MYO16: variants seen among roughly 807,000 people sequenced by gnomAD.
MYO16 encodes the protein unconventional myosin-XVI.
MYO16 carries 94 observed loss-of-function variants against 205.3 expected under a neutral mutation model. The ratio of observed to expected loss-of-function variants is 0.46; its 90% confidence interval spans 0.39 to 0.54. MYO16 has a LOEUF of 0.54. Ranked by LOEUF, MYO16 falls within the 20% of genes least tolerant of loss-of-function variation. The pLI is 0.00. For missense variants in MYO16, 2,315 were observed against 2,387.5 expected (o/e 0.97, Z 0.63); for synonymous variants, 988 against 954.0 (o/e 1.04, Z -0.66).
intron 20 of MYO16, among the ~76,000 whole-genome samples, chr13:108,969,840 T>A (rs1055233695): frequency 6.6e-6 from 1 of 152,202 alleles, no homozygotes; most frequent in East Asian, 1.9e-4. Context: ...TTCACCACTG[T>A]GATTTAGAGC....
chr13:108,909,393 G>A (rs1881155993), intron 15 of MYO16, among the ~76,000 whole-genome samples: 1 of 152,100 alleles, frequency 6.6e-6, no homozygotes, highest in African/African-American at 2.4e-5. Flanking sequence ...TGTTCACACT[G>A]GACATGTGTT....
chr13:108,673,488 T>G (rs555033446), intron 2 of MYO16, among the ~76,000 whole-genome samples: 8 of 152,056 alleles, frequency 5.3e-5, no homozygotes, highest in Non-Finnish European at 1.2e-4. Flanking sequence ...AACTATAATA[T>G]CATACTTTAT....
rs145030952 is a variant in MYO16, at chr13:109,048,797, G to A, written c.2872+1806G>A. 28 of 153,030 alleles carry A rather than the reference G, an allele frequency of 1.8e-4. No individual in the cohort carries two copies. In the East Asian group the frequency reaches 4.2e-3, roughly 23 times the overall value. 9.5% of individuals were successfully genotyped at this position (153,030 alleles called of 1,614,324 possible). On this transcript the variant is annotated intron_variant, in intron 24 of 34. Coordinates refer to ENST00000457511, the MANE Select transcript of MYO16 (RefSeq NM_001198950.3). ...TAGCATCAAAAAGCTCCCAGTTGAG[G>A]AAGATGGTGAGGTCTGTTGTAGAAT...
chr13:108,571,947 G>A, the MYO16 span, among the ~76,000 whole-genome samples: 4 of 150,642 alleles, frequency 2.7e-5, no homozygotes, highest in Non-Finnish European at 5.9e-5. Flanking sequence ...TTTAAACAGG[G>A]TCTTACTCTA....
intron 34 of MYO16, among the ~76,000 whole-genome samples, chr13:109,204,723 T>C (rs1162563026): frequency 6.6e-6 from 1 of 152,198 alleles, no homozygotes; most frequent in African/African-American, 2.4e-5. Context: ...CCATGGACTC[T>C]TGGGCCAGGC....
intron 34 of MYO16, among the ~76,000 whole-genome samples, chr13:109,203,222 T>C (rs1348267289): frequency 1.3e-5 from 2 of 152,118 alleles, no homozygotes; most frequent in Admixed American, 6.6e-5. Context: ...TGAAGAACTT[T>C]TGTATGGCAA....
At chr13:108,677,348 T>C (rs1470760524) in intron 2 of MYO16, among the ~76,000 whole-genome samples, 1 of 91,152 alleles carries the variant, frequency 1.1e-5, no homozygotes, top group African/African-American at 4.1e-5. Flanking sequence ...TATATATATA[T>C]ATATATGCAT....
At chr13:108,567,314 A>G in the MYO16 span, among the ~76,000 whole-genome samples, 1 of 152,182 alleles carries the variant, frequency 6.6e-6, no homozygotes, top group Non-Finnish European at 1.5e-5. Context: ...AAATATAGAT[A>G]CTAACTTTAG....
At chr13:109,136,240 C>T (rs1298910391) in intron 31 of MYO16, among the ~76,000 whole-genome samples, 1 of 152,018 alleles carries the variant, frequency 6.6e-6, no homozygotes, top group Non-Finnish European at 1.5e-5. Context: ...ACCACAAGCA[C>T]GTGCCACCAT....
At chr13:108,972,249 C>CTCTCTCTCTCTCTATATA (rs1178345437) in intron 20 of MYO16, among the ~76,000 whole-genome samples, 4 of 2,850 alleles carry the variant, frequency 1.4e-3, no homozygotes, top group Non-Finnish European at 1.8e-3. Flanking sequence ...CTCTCTCTCT[C>CTCTCTCTCTCTCTATATA]TATATATATA....
chr13:108,634,160 C>T (rs78856328), intron 1 of MYO16, among the ~76,000 whole-genome samples: 5,228 of 152,252 alleles, frequency 0.034, 131 homozygotes, highest in South Asian at 0.13. Flanking sequence ...CCTGTACCCT[C>T]GTCTTGTTTC....
At chr13:108,714,309 C>T (rs1288695367) in intron 3 of MYO16, among the ~76,000 whole-genome samples, 1 of 152,218 alleles carries the variant, frequency 6.6e-6, no homozygotes, top group Non-Finnish European at 1.5e-5. Context: ...CCCGCCTTGG[C>T]CTCCCGAAGT....
intron 16 of MYO16, among the ~76,000 whole-genome samples, chr13:108,916,238 C>G (rs1464396056): frequency 6.6e-6 from 1 of 152,114 alleles, no homozygotes; most frequent in African/African-American, 2.4e-5. Flanking sequence ...GGGGCACTTC[C>G]CATGTGCCAG....
chr13:108,902,160 C>T (rs1252919886), intron 15 of MYO16, among the ~76,000 whole-genome samples: 1 of 152,132 alleles, frequency 6.6e-6, no homozygotes, highest in South Asian at 2.1e-4. Flanking sequence ...TCGATGTTTC[C>T]GAGAAGGAAC....
the MYO16 span, among the ~76,000 whole-genome samples, chr13:108,538,254 TAAG>T: frequency 6.6e-6 from 1 of 151,898 alleles, no homozygotes; most frequent in African/African-American, 2.4e-5. Flanking sequence ...TCAGAACAAA[TAAG>T]AATATTTAAA....
intron 4 of MYO16, among the ~76,000 whole-genome samples, chr13:108,753,421 G>T (rs1425222457): frequency 2.0e-5 from 3 of 147,552 alleles, no homozygotes; most frequent in African/African-American, 7.7e-5. Context: ...CTGTTTCTTG[G>T]AAGGATTATA....
chr13:109,111,352 G>A (rs1446555782), intron 28 of MYO16, among the ~76,000 whole-genome samples: 2 of 152,174 alleles, frequency 1.3e-5, no homozygotes, highest in Admixed American at 1.3e-4. Context: ...AAAAGATTGT[G>A]TTGTTCATAT....
Position 109,023,702 on chromosome 13 carries a change from TGTATATA to T in MYO16, c.2796+3792_2796+3798del, listed in dbSNP as rs1257186110. Among the ~76,000 whole-genome samples the T allele has an allele frequency of 2.1e-4, 26 of 126,336 alleles. No individual in the cohort carries two copies. In the South Asian group the frequency reaches 4.8e-3, roughly 23 times the overall value. The allele number at this position is 126,336 out of a possible 152,430, so 82.9% of individuals were successfully genotyped here. On this transcript the variant is annotated intron_variant, in intron 23 of 34. Coordinates refer to ENST00000457511, the MANE Select transcript of MYO16 (RefSeq NM_001198950.3). Reference sequence around the variant, plus strand: ...GTATATATACATATATATGTATATATGTATATATACAAATATATGTATATATGCATAT... The same window carrying T: ...GTATATATACATATATATGTATATATTACAAATATATGTATATATGCATAT...
intron 4 of MYO16, among the ~76,000 whole-genome samples, chr13:108,774,333 A>G (rs1409894533): frequency 6.6e-6 from 1 of 152,184 alleles, no homozygotes; most frequent in Non-Finnish European, 1.5e-5. Context: ...GGGGAATGAT[A>G]TATTTGAGTT....
Sources: allele counts gnomAD v4.1 joint callset (sites outside exome capture counted in the v4.1 genomes callset), GRCh38; gene constraint gnomAD v4.1.1; transcripts MANE v1.5; gene names NCBI Gene and HGNC (gene_info 2026-07-23, HGNC 2026-07-21).